RNF220: variants seen among roughly 807,000 people sequenced by gnomAD.
RNF220 encodes the protein E3 ubiquitin-protein ligase RNF220.
A neutral mutation model predicts 67.1 loss-of-function variants in RNF220; 7 were observed. The observed-to-expected ratio is 0.10, with a 90% CI of 0.06 to 0.20. The LOEUF is 0.20. Among genes scored for constraint, RNF220 ranks in the 10% least tolerant of loss-of-function variants. The pLI, the probability that RNF220 is intolerant of heterozygous loss-of-function variation, is 1.00. For synonymous variants in RNF220, 270 were observed against 283.2 expected (o/e 0.95, Z 0.47); for missense variants, 565 against 740.3 (o/e 0.76, Z 2.75).
At chr1:44,511,057 C>T (rs1658951157) in intron 2 of RNF220, among the ~76,000 whole-genome samples, 2 of 152,094 alleles carry the variant, frequency 1.3e-5, no homozygotes, top group Non-Finnish European at 2.9e-5. Flanking sequence ...TTTGGTGAGG[C>T]AAGGAAGCAT....
rs1666806031 is a variant in RNF220, at chr1:44,600,013, T to A, written c.626-14152T>A. On this transcript the variant is annotated intron_variant, in intron 2 of 14. Coordinates refer to ENST00000361799, the MANE Select transcript of RNF220 (RefSeq NM_018150.4). The surrounding 1 kb of genome is among the most constrained non-coding windows in gnomAD (Gnocchi z 4.0). ...TATGAAGATGCCTAAACTAGGGCAA[T>A]GAAGAAAAGAAGATGATTCTGACCA... Among the ~76,000 whole-genome samples the A allele has an allele frequency of 6.6e-6, 1 of 152,004 alleles. No individual in the cohort carries two copies. The highest frequency in any genetic ancestry group is 2.4e-5 in the African/African-American group (1 of 41,364).
At chr1:44,572,954 T>C in intron 2 of RNF220, 2 of 387,166 alleles carry the variant, frequency 5.2e-6, no homozygotes, top group South Asian at 3.8e-5. Context: ...TTGAATGAAA[T>C]GGATAAAGAT....
chr1:44,474,437 T>C (rs1309324060), intron 2 of RNF220, among the ~76,000 whole-genome samples: 1 of 148,922 alleles, frequency 6.7e-6, no homozygotes, highest in African/African-American at 2.5e-5. Flanking sequence ...CTGGGAGTGG[T>C]ATGGCTCACA....
intron 5 of RNF220, among the ~76,000 whole-genome samples, chr1:44,627,636 G>A (rs78391358): frequency 0.016 from 2,469 of 152,290 alleles, 90 homozygotes; most frequent in African/African-American, 0.058. Context: ...CCCCAGAGCC[G>A]TTAGATGAAA....
intron 2 of RNF220, among the ~76,000 whole-genome samples, chr1:44,560,375 A>G (rs1297720153): frequency 2.6e-5 from 4 of 152,318 alleles, no homozygotes; most frequent in South Asian, 4.1e-4. Flanking sequence ...CAGTGTCTTC[A>G]TGGTCTTTCT....
chr1:44,424,887 G>A (rs772883575), intron 2 of RNF220, among the ~76,000 whole-genome samples: 23 of 152,244 alleles, frequency 1.5e-4, no homozygotes, highest in Non-Finnish European at 3.1e-4. Flanking sequence ...GCTCCAGCCC[G>A]CTTATCTTCT....
rs1457161237 is a variant in RNF220, at chr1:44,412,318, A to G, written c.221A>G (p.His74Arg). 6.2e-7 allele frequency: 1 copy of G among 1,614,028 alleles called. No individual in the cohort carries two copies. The highest frequency in any genetic ancestry group is 8.5e-7 in the Non-Finnish European group (1 of 1,180,032). ...NGSYTFASMY[H>R]RQGGVPGTFA... Reference sequence around the variant, plus strand: ...TCCTATACCTTTGCCTCTATGTACCATCGGCAAGGTGGGGTGCCAGGCACT... The same window carrying G: ...TCCTATACCTTTGCCTCTATGTACCGTCGGCAAGGTGGGGTGCCAGGCACT... The change falls in exon 2 of 15, where the codon CAT (histidine) becomes CGT (arginine). Residue 74 changes from histidine to arginine, a missense_variant. Transcript: ENST00000361799. This position sits in a 1 kb window ranked among gnomAD's most constrained non-coding sequence, Gnocchi z 5.3.
chr1:44,437,763 A>T (rs924957855), intron 2 of RNF220, among the ~76,000 whole-genome samples: 15 of 152,174 alleles, frequency 9.9e-5, no homozygotes, highest in Admixed American at 9.2e-4. Flanking sequence ...AGCTGTCATG[A>T]TCTGCAATGT....
intron 2 of RNF220, among the ~76,000 whole-genome samples, chr1:44,556,780 C>T (rs1420323223): frequency 6.6e-6 from 1 of 152,062 alleles, no homozygotes; most frequent in African/African-American, 2.4e-5. Context: ...AGGATGGTCT[C>T]AATCTCCTGA....
chr1:44,440,374 G>A (rs563603022), intron 2 of RNF220, among the ~76,000 whole-genome samples: 1 of 152,304 alleles, frequency 6.6e-6, no homozygotes, highest in South Asian at 2.1e-4. Flanking sequence ...GTGCAAGGGT[G>A]GAGAGTGGCA....
rs1050058059 is a variant in RNF220, at chr1:44,515,220, A to G, written c.626-98945A>G. ...AGGAGGTTTCAAGACCACTAGGGGA[A>G]TCCAGAACACGGGGTGGATGTCACT... On this transcript the variant is annotated intron_variant, in intron 2 of 14. Coordinates refer to ENST00000361799, the MANE Select transcript of RNF220 (RefSeq NM_018150.4). Among the ~76,000 whole-genome samples, 28 of 152,360 alleles carry G rather than the reference A, an allele frequency of 1.8e-4. 1 individual carries two copies. Among genetic ancestry groups the G allele is most frequent in the African/African-American group, 6.0e-4 (25 of 41,586 alleles).
intron 2 of RNF220, among the ~76,000 whole-genome samples, chr1:44,482,228 G>T (rs1350050614): frequency 6.6e-6 from 1 of 152,166 alleles, no homozygotes; most frequent in Non-Finnish European, 1.5e-5. Context: ...ATTCCAAACA[G>T]ATTCATTTTT....
chr1:44,469,758 A>G (rs1654634140), intron 2 of RNF220, among the ~76,000 whole-genome samples: 1 of 152,172 alleles, frequency 6.6e-6, no homozygotes, highest in African/African-American at 2.4e-5. Flanking sequence ...AGTTGAACTG[A>G]TTAGGATGAA....
chr1:44,450,102 C>T (rs1281354148), intron 2 of RNF220, among the ~76,000 whole-genome samples: 1 of 151,870 alleles, frequency 6.6e-6, no homozygotes, highest in Non-Finnish European at 1.5e-5. Flanking sequence ...CCAGCTACCC[C>T]GGAGGCTGAG....
At chr1:44,611,431 G>T (rs1008425900) in intron 2 of RNF220, among the ~76,000 whole-genome samples, 1 of 152,228 alleles carries the variant, frequency 6.6e-6, no homozygotes, top group African/African-American at 2.4e-5. Context: ...TGGTGTACCA[G>T]GCTAATGGGG....
At chr1:44,582,614 G>A (rs1337786749) in intron 2 of RNF220, among the ~76,000 whole-genome samples, 1 of 150,728 alleles carries the variant, frequency 6.6e-6, no homozygotes, top group Admixed American at 6.6e-5. Context: ...AAAATTAGCT[G>A]GGCGTGGTGG....
chr1:44,598,369 C>G (rs774261327), intron 2 of RNF220, among the ~76,000 whole-genome samples: 4 of 152,224 alleles, frequency 2.6e-5, no homozygotes, highest in Non-Finnish European at 4.4e-5. Context: ...CATCTTGGTT[C>G]CTGATTTAGG....
chr1:44,525,477 C>T (rs1660298247), intron 2 of RNF220, among the ~76,000 whole-genome samples: 1 of 152,210 alleles, frequency 6.6e-6, no homozygotes, highest in Non-Finnish European at 1.5e-5. Context: ...AAACTGCTGC[C>T]CCGCTTTGGT....
At chr1:44,615,180 G>A (rs1643491589) in intron 3 of RNF220, among the ~76,000 whole-genome samples, 1 of 152,152 alleles carries the variant, frequency 6.6e-6, no homozygotes, top group Admixed American at 6.5e-5. Flanking sequence ...ACCTCGGGAT[G>A]GTTGGACTTC....
Sources: allele counts gnomAD v4.1 joint callset (sites outside exome capture counted in the v4.1 genomes callset), GRCh38; gene constraint gnomAD v4.1.1; non-coding constraint Gnocchi (gnomAD v3.1); transcripts MANE v1.5; gene names NCBI Gene and HGNC (gene_info 2026-07-23, HGNC 2026-07-21).